WWP2: variants seen among roughly 807,000 people sequenced by gnomAD.
The protein encoded by WWP2 is WW domain containing E3 ubiquitin protein ligase 2, also known as NEDD4-like E3 ubiquitin-protein ligase WWP2.
WWP2 carries 57 observed loss-of-function variants against 121.0 expected under a neutral mutation model. That is an observed-to-expected ratio of 0.47 (90% CI 0.38 to 0.59). The LOEUF is 0.59. Among genes scored for constraint, WWP2 ranks in the 20% least tolerant of loss-of-function variants. WWP2 has a pLI of 0.00. For synonymous variants in WWP2, 449 were observed against 441.3 expected (o/e 1.02, Z -0.22); for missense variants, 962 against 1,158.9 (o/e 0.83, Z 2.47).
intron 8 of WWP2, among the ~76,000 whole-genome samples, chr16:69,906,747 G>T (rs558883980): frequency 6.6e-6 from 1 of 152,250 alleles, no homozygotes; most frequent in Admixed American, 6.5e-5. Context: ...GGGCCTCGTG[G>T]CATGCACTTG....
At chr16:69,903,120 G>A (rs2058231079) in intron 8 of WWP2, among the ~76,000 whole-genome samples, 1 of 152,216 alleles carries the variant, frequency 6.6e-6, no homozygotes, top group South Asian at 2.1e-4. Flanking sequence ...AGGACATTGA[G>A]CTTTGCGGGA....
At chr16:69,797,288 T>C (rs1475721260) in intron 2 of WWP2, among the ~76,000 whole-genome samples, 2 of 152,186 alleles carry the variant, frequency 1.3e-5, no homozygotes, top group Admixed American at 6.5e-5. Context: ...GGCAAAAATA[T>C]TCAACCTTGC....
intron 9 of WWP2, among the ~76,000 whole-genome samples, chr16:69,917,281 T>C (rs2058491582): frequency 6.6e-6 from 1 of 152,240 alleles, no homozygotes; most frequent in Non-Finnish European, 1.5e-5. Flanking sequence ...GTCAACTTCC[T>C]ATTGTCTTCG....
chr16:69,892,500 C>G (rs1383437222), intron 8 of WWP2, among the ~76,000 whole-genome samples: 1 of 152,170 alleles, frequency 6.6e-6, no homozygotes, highest in Non-Finnish European at 1.5e-5. Context: ...TGATCTGTCA[C>G]TCGAGTGACT....
At chr16:69,783,714 G>A (rs947353227) in intron 1 of WWP2, among the ~76,000 whole-genome samples, 2 of 152,026 alleles carry the variant, frequency 1.3e-5, no homozygotes, top group African/African-American at 4.8e-5. Flanking sequence ...GGGAGGCTGC[G>A]GCAGAAGAAT....
At chr16:69,788,127 C>T (rs2055831146) in intron 2 of WWP2, 2 of 152,114 alleles carry the variant, frequency 1.3e-5, no homozygotes, top group Admixed American at 1.3e-4. Flanking sequence ...CTTTGGGAGG[C>T]CAAGGCAGGA....
intron 7 of WWP2, among the ~76,000 whole-genome samples, chr16:69,877,571 C>T (rs1199969681): frequency 6.6e-6 from 1 of 152,152 alleles, no homozygotes; most frequent in African/African-American, 2.4e-5. Flanking sequence ...GCATTCGCAA[C>T]TTGGCTAACT....
chr16:69,778,188 A>ATTT (rs1294958172), intron 1 of WWP2, among the ~76,000 whole-genome samples: 2,942 of 95,404 alleles, frequency 0.031, 129 homozygotes, highest in African/African-American at 0.16. Flanking sequence ...ATATATATAT[A>ATTT]TATATTTTTT....
chr16:69,845,669 C>G (rs2057059771), intron 6 of WWP2, among the ~76,000 whole-genome samples: 1 of 151,990 alleles, frequency 6.6e-6, no homozygotes, highest in Non-Finnish European at 1.5e-5. Flanking sequence ...TTCATTCGTC[C>G]AAGCTCATCC....
intron 4 of WWP2, among the ~76,000 whole-genome samples, chr16:69,807,403 C>G (rs1236388997): frequency 1.3e-5 from 2 of 151,780 alleles, no homozygotes; most frequent in African/African-American, 4.8e-5. Context: ...ATTTTCACCC[C>G]TGGATATTGA....
intron 8 of WWP2, among the ~76,000 whole-genome samples, chr16:69,906,652 A>C (rs2058299025): frequency 6.6e-6 from 1 of 152,176 alleles, no homozygotes; most frequent in Non-Finnish European, 1.5e-5. Context: ...TGAGAGGCTG[A>C]AGTGGGAGGA....
chr16:69,809,544 A>G (rs1218046065), intron 4 of WWP2, among the ~76,000 whole-genome samples: 3 of 152,120 alleles, frequency 2.0e-5, no homozygotes, highest in Non-Finnish European at 4.4e-5. Context: ...AGGTGGGTGT[A>G]TCACCTGAGG....
Position 69,929,466 on chromosome 16 carries a change from G to T in WWP2, c.1253G>T (p.Gly418Val). Reference protein sequence around the residue: ...PPGWEKRQDNGRVYYVNHNTR... With the variant: ...PPGWEKRQDNVRVYYVNHNTR... ...GTGGCAGAGAAGAGACAGGACAATG[G>T]ACGGGTGTATTACGTGAACCATAAC... Residue 418 changes from glycine to valine, a missense_variant, in exon 12 of 24, where the codon GGA becomes GTA. Gly to Val is a moderately radical substitution (Grantham distance 109). Around this residue, in one of 3 missense-constraint regions of WWP2, gnomAD observed 606 missense variants for 772.6 expected, o/e 0.78. Coordinates refer to ENST00000359154, the MANE Select transcript of WWP2 (RefSeq NM_001270454.2). The T allele has an allele frequency of 6.2e-7, 1 of 1,614,134 alleles. No homozygotes were observed. The highest frequency in any genetic ancestry group is 8.5e-7 in the Non-Finnish European group (1 of 1,179,994).
intron 8 of WWP2, among the ~76,000 whole-genome samples, chr16:69,898,027 C>CTTTTTTTTT (rs369977148): frequency 1.6e-5 from 2 of 128,138 alleles, no homozygotes; most frequent in African/African-American, 5.8e-5. Context: ...TTCTTTCTTT[C>CTTTTTTTTT]TTTTTTTTTT....
chr16:69,828,954 A>G (rs1422287701), intron 4 of WWP2, among the ~76,000 whole-genome samples: 2 of 152,094 alleles, frequency 1.3e-5, no homozygotes. Flanking sequence ...GTTCCCTGAC[A>G]GGTGTTTCCC....
At chr16:69,905,136 C>T (rs561793797) in intron 8 of WWP2, among the ~76,000 whole-genome samples, 12 of 152,338 alleles carry the variant, frequency 7.9e-5, no homozygotes, top group Non-Finnish European at 1.0e-4. Context: ...AAAGACTTGC[C>T]GCTCACACTG....
chr16:69,768,641 G>C (rs2055350610), intron 1 of WWP2, among the ~76,000 whole-genome samples: 1 of 151,972 alleles, frequency 6.6e-6, no homozygotes, highest in South Asian at 2.1e-4. Context: ...AAAATAACAA[G>C]TACCAAGACA....
chr16:69,884,000 AT>A (rs1438713576), intron 7 of WWP2, among the ~76,000 whole-genome samples: 3 of 152,246 alleles, frequency 2.0e-5, no homozygotes, highest in African/African-American at 7.2e-5. Flanking sequence ...CTTTAAAAAA[AT>A]AAAAGCTTAG....
intron 7 of WWP2, among the ~76,000 whole-genome samples, chr16:69,887,651 C>T (rs2057949236): frequency 6.6e-6 from 1 of 152,156 alleles, no homozygotes; most frequent in African/African-American, 2.4e-5. Flanking sequence ...AGTGATCCGC[C>T]TGCCTCAGCC....
Sources: allele counts gnomAD v4.1 joint callset (sites outside exome capture counted in the v4.1 genomes callset), GRCh38; gene constraint gnomAD v4.1.1; regional missense constraint gnomAD v4.1.1; transcripts MANE v1.5; gene names NCBI Gene and HGNC (gene_info 2026-07-23, HGNC 2026-07-21).